FMR1NB: variants seen among roughly 807,000 people sequenced by gnomAD.
FMR1NB encodes FMR1 neighbor, also known as FMR1 neighbor protein.
Under a neutral mutation model 16.8 loss-of-function variants are expected in FMR1NB, and 10 were observed. The observed-to-expected ratio is 0.60, with a 90% confidence interval of 0.37 to 1.01. The LOEUF (loss-of-function observed/expected upper bound fraction) is 1.01. FMR1NB is among the 50% of genes least tolerant of loss of function. The pLI is 0.01. For synonymous variants in FMR1NB, 83 were observed against 79.1 expected (o/e 1.05, Z -0.26); for missense variants, 205 against 204.8 (o/e 1.00, Z 0.00).
At chrX:148,003,888 G>A (rs1557188847) in intron 2 of FMR1NB, among the ~76,000 whole-genome samples, 1 of 111,553 alleles carries the variant, frequency 9.0e-6, no homozygotes, top group Non-Finnish European at 1.9e-5. Flanking sequence ...ATAGCATGTG[G>A]TGCCCTTTCA....
At chrX:147,981,721 G>A (rs782314666) in intron 1 of FMR1NB, 42 bp downstream of exon 1, 2 of 998,964 alleles carry the variant, frequency 2.0e-6, no homozygotes, top group South Asian at 4.6e-5. Flanking sequence ...GCTGGGGGAG[G>A]GGGAGGGGGA....
intron 1 of FMR1NB, among the ~76,000 whole-genome samples, chrX:148,001,438 A>G (rs1346689791): frequency 8.9e-6 from 1 of 112,017 alleles, no homozygotes; most frequent in African/African-American, 3.2e-5. Context: ...AGCTGAAAAT[A>G]AAATTTGATA....
intron 1 of FMR1NB, among the ~76,000 whole-genome samples, chrX:147,995,441 C>T (rs921063158): frequency 9.0e-6 from 1 of 111,484 alleles, no homozygotes; most frequent in African/African-American, 3.3e-5. Context: ...CTGGGATATA[C>T]CTCCAGTTTG....
chrX:147,985,877 C>A (rs782136351), intron 1 of FMR1NB, among the ~76,000 whole-genome samples: 2 of 111,847 alleles, frequency 1.8e-5, no homozygotes, highest in East Asian at 2.8e-4. Flanking sequence ...GGTTCTAGAT[C>A]CTTGAGGAAT....
intron 2 of FMR1NB, among the ~76,000 whole-genome samples, chrX:148,005,328 G>A (rs782516142): frequency 4.5e-5 from 5 of 111,529 alleles, no homozygotes; most frequent in Non-Finnish European, 9.4e-5. Context: ...TTTCTGGGAA[G>A]TGGTGTTTGA....
chrX:148,021,989 A>G (rs2044681871), intron 4 of FMR1NB, among the ~76,000 whole-genome samples: 1 of 108,158 alleles, frequency 9.2e-6, no homozygotes, highest in Non-Finnish European at 1.9e-5. Flanking sequence ...AACTGAATCC[A>G]TACCACTTCT....
chrX:148,021,366 G>A (rs905098665), intron 4 of FMR1NB, among the ~76,000 whole-genome samples: 55 of 106,328 alleles, frequency 5.2e-4, no homozygotes, highest in Non-Finnish European at 2.7e-4. Context: ...TACTCTGAGT[G>A]CTCCCCTGAT....
chrX:148,001,632 C>T (rs2044570934), intron 1 of FMR1NB, among the ~76,000 whole-genome samples: 1 of 110,329 alleles, frequency 9.1e-6, no homozygotes, highest in Non-Finnish European at 1.9e-5. Flanking sequence ...TGCCTGTAAT[C>T]TCAGCTACTC....
intron 4 of FMR1NB, among the ~76,000 whole-genome samples, chrX:148,019,594 T>G (rs1182216113): frequency 3.6e-5 from 4 of 112,177 alleles, no homozygotes; most frequent in African/African-American, 1.3e-4. Context: ...TGTTGTGATC[T>G]AAGCTGTATT....
At chrX:148,025,169 T>A (rs942786454) in intron 5 of FMR1NB, among the ~76,000 whole-genome samples, 156 bp downstream of exon 5, 1 of 111,567 alleles carries the variant, frequency 9.0e-6, no homozygotes, top group Non-Finnish European at 1.9e-5. Context: ...TATTTATCAC[T>A]AGAGATATTG....
intron 4 of FMR1NB, among the ~76,000 whole-genome samples, chrX:148,016,793 C>T (rs781899487): frequency 8.4e-4 from 93 of 111,067 alleles, no homozygotes; most frequent in African/African-American, 3.0e-3. Flanking sequence ...TTTATTGTTT[C>T]TGCTTGTATC....
At chrX:148,011,280 A>G (rs1175686922) in intron 4 of FMR1NB, among the ~76,000 whole-genome samples, 2 of 100,254 alleles carry the variant, frequency 2.0e-5, no homozygotes, top group African/African-American at 8.3e-5. Context: ...AACAAAAACA[A>G]AAACAAAAAA....
Position 147,991,203 on chromosome X carries a change from C to T in FMR1NB, c.277+9524C>T, listed in dbSNP as rs188744813. On this transcript the variant is annotated intron_variant, in intron 1 of 5. Coordinates refer to ENST00000370467, the MANE Select transcript of FMR1NB (RefSeq NM_152578.3). ...ATTCCTCAACTCTTCACTAAAATTC[C>T]TTGTCTTCCTTCACAAAGACCTTTC... 3.0e-3 allele frequency among the ~76,000 whole-genome samples: 328 copies of T among 110,391 alleles called. 4 individuals carry two copies. Among genetic ancestry groups the T allele is most frequent in the African/African-American group, 0.01 (315 of 30,275 alleles).
At chrX:147,987,178 T>G (rs1385068145) in intron 1 of FMR1NB, among the ~76,000 whole-genome samples, 3 of 112,098 alleles carry the variant, frequency 2.7e-5, no homozygotes, top group African/African-American at 9.7e-5. Context: ...TTTTGTATCC[T>G]GAGACTTTGC....
At chrX:147,988,125 C>T (rs376335109) in intron 1 of FMR1NB, among the ~76,000 whole-genome samples, 28 of 111,652 alleles carry the variant, frequency 2.5e-4, no homozygotes, top group Non-Finnish European at 4.3e-4. Flanking sequence ...TGTATTTTGG[C>T]GTGTTTTTGC....
chrX:148,025,703 G>A (rs1346753423), intron 5 of FMR1NB, among the ~76,000 whole-genome samples: 1 of 112,209 alleles, frequency 8.9e-6, no homozygotes, highest in Non-Finnish European at 1.9e-5. Context: ...CATGGGCAGT[G>A]AAATTAACCT....
intron 1 of FMR1NB, among the ~76,000 whole-genome samples, chrX:148,000,590 T>G (rs782409722): frequency 7.0e-4 from 78 of 112,090 alleles, no homozygotes; most frequent in Non-Finnish European, 1.1e-3. Flanking sequence ...ATTCAATAAT[T>G]AATAGGCAGG....
chrX:147,986,977 T>C (rs1231512365), intron 1 of FMR1NB, among the ~76,000 whole-genome samples: 4 of 111,766 alleles, frequency 3.6e-5, no homozygotes, highest in African/African-American at 1.3e-4. Flanking sequence ...TCCATTTGTT[T>C]GTGTCGTCTC....
chrX:147,994,819 G>A (rs1261305300), intron 1 of FMR1NB, among the ~76,000 whole-genome samples: 1 of 112,155 alleles, frequency 8.9e-6, no homozygotes, highest in Non-Finnish European at 1.9e-5. Context: ...ATATGTGACT[G>A]TATGAATTAA....
Sources: allele counts gnomAD v4.1 joint callset (sites outside exome capture counted in the v4.1 genomes callset), GRCh38; gene constraint gnomAD v4.1.1; transcripts MANE v1.5; gene names NCBI Gene and HGNC (gene_info 2026-07-23, HGNC 2026-07-21).